The following LGR6 variants were observed in gnomAD, a reference collection of about 807,000 sequenced individuals.
LGR6 encodes leucine-rich repeat-containing G protein-coupled receptor 6.
LGR6 carries 45 observed loss-of-function variants against 69.4 expected under a neutral mutation model. The ratio of observed to expected loss-of-function variants is 0.65; its 90% confidence interval spans 0.51 to 0.83. The LOEUF is 0.83. LGR6 is among the 40% of genes least tolerant of loss of function. LGR6 has a pLI of 0.00. For missense variants in LGR6, 1,108 were observed against 1,246.7 expected, an observed-to-expected ratio of 0.89 and a Z score of 1.68; for synonymous variants, 538 against 555.0, an observed-to-expected ratio of 0.97 and a Z score of 0.43.
intron 1 of LGR6, among the ~76,000 whole-genome samples, chr1:202,204,756 C>T (rs1571806956): frequency 1.3e-4 from 3 of 23,288 alleles, no homozygotes; most frequent in Admixed American, 4.4e-4. Flanking sequence ...CAAACACACA[C>T]ACACACCCCT....
At chr1:202,222,565 G>A (rs1660237497) in intron 1 of LGR6, among the ~76,000 whole-genome samples, 1 of 152,180 alleles carries the variant, frequency 6.6e-6, no homozygotes, top group African/African-American at 2.4e-5. Flanking sequence ...AATGCACAGG[G>A]TAAATATTTA....
intron 4 of LGR6, among the ~76,000 whole-genome samples, chr1:202,275,878 G>A (rs747794190): frequency 1.3e-5 from 2 of 152,162 alleles, no homozygotes; most frequent in Non-Finnish European, 2.9e-5. Context: ...TTGGAAGCCC[G>A]GGAGTATGGA....
Position 202,319,030 on chromosome 1 carries a change from C to G in LGR6, c.2727C>G (p.Ala909=). 1 of 1,614,122 alleles carries G rather than the reference C, an allele frequency of 6.2e-7. No individual in the cohort carries two copies. The highest frequency in any genetic ancestry group is 2.2e-5 in the East Asian group (1 of 44,860). ...TCATCTCCTGTCAGCAGCCAGGGGC[C>G]CCCAGGCTGGAGGGCAGCCATTGTG... ...VTLISCQQPG[A]PRLEGSHCVE... is the part of the protein sequence containing the mutation. The change falls in exon 18 of 18, where the codon GCC becomes GCG. Residue 909 remains alanine (A), a synonymous_variant. Coordinates refer to ENST00000367278, the MANE Select transcript of LGR6 (RefSeq NM_001017403.2).
intron 4 of LGR6, among the ~76,000 whole-genome samples, chr1:202,264,923 G>A (rs979377419): frequency 2.0e-5 from 3 of 152,116 alleles, no homozygotes; most frequent in African/African-American, 7.2e-5. Context: ...GGAGAGTTGA[G>A]GCATTAGCAT....
At chr1:202,244,108 C>T (rs1374839063) in intron 4 of LGR6, among the ~76,000 whole-genome samples, 1 of 152,086 alleles carries the variant, frequency 6.6e-6, no homozygotes, top group African/African-American at 2.4e-5. Context: ...TAGGTGCGTT[C>T]CACCATGCCC....
chr1:202,318,185 C>A lies in LGR6; in HGVS notation c.1882C>A (p.Gln628Lys), dbSNP rs753040636. 2.5e-6 allele frequency: 4 copies of A among 1,613,520 alleles called. No individual in the cohort carries two copies. Among genetic ancestry groups the A allele is most frequent in the South Asian group, 1.1e-5 (1 of 91,050 alleles). Residue 628 changes from glutamine (Q) to lysine (K), a missense_variant, in exon 18 of 18, where the codon CAG becomes AAG. Physicochemically the swap from Gln to Lys is moderately conservative, Grantham distance 53. Coordinates refer to ENST00000367278, the MANE Select transcript of LGR6 (RefSeq NM_001017403.2). ...CTCAGTCGATGCCCTGACCTTTGGT[C>A]AGTTCTCTGAGTACGGAGCCCGCTG... ...LASVDALTFG[Q>K]FSEYGARWET...
At chr1:202,207,902 G>A (rs1376935660) in intron 1 of LGR6, among the ~76,000 whole-genome samples, 2 of 152,216 alleles carry the variant, frequency 1.3e-5, no homozygotes, top group Non-Finnish European at 2.9e-5. Context: ...AGGCACAGCT[G>A]TGCTAGGTGC....
chr1:202,198,880 GC>G (rs1658738821), intron 1 of LGR6, among the ~76,000 whole-genome samples: 1 of 152,006 alleles, frequency 6.6e-6, no homozygotes, highest in African/African-American at 2.4e-5. Flanking sequence ...GGGTGGGGGT[GC>G]CAACGTGCCA....
At chr1:202,220,980 G>A (rs774352326) in intron 1 of LGR6, among the ~76,000 whole-genome samples, 3 of 152,200 alleles carry the variant, frequency 2.0e-5, no homozygotes, top group Admixed American at 2.0e-4. Flanking sequence ...AGATCATCAA[G>A]TCATATGCCT....
intron 4 of LGR6, among the ~76,000 whole-genome samples, chr1:202,265,775 A>G (rs1047734576): frequency 9.2e-5 from 14 of 152,180 alleles, no homozygotes; most frequent in Admixed American, 6.5e-5. Flanking sequence ...CATCTGAACA[A>G]TGCTGAAAGT....
At chr1:202,316,157 C>A (rs1654124494) in intron 17 of LGR6, among the ~76,000 whole-genome samples, 1 of 152,164 alleles carries the variant, frequency 6.6e-6, no homozygotes, top group Non-Finnish European at 1.5e-5. Context: ...GTTGCTATAA[C>A]AGAATACCTA....
chr1:202,265,134 T>A (rs552763517), intron 4 of LGR6, among the ~76,000 whole-genome samples: 2 of 152,152 alleles, frequency 1.3e-5, no homozygotes, highest in South Asian at 4.2e-4. Context: ...TCTCCTCAAT[T>A]GTAAGTGGGT....
At chr1:202,270,304 G>A (rs540464052) in intron 4 of LGR6, among the ~76,000 whole-genome samples, 8 of 151,814 alleles carry the variant, frequency 5.3e-5, no homozygotes, top group South Asian at 4.2e-4. Context: ...GTGCAATGGC[G>A]CGATCTCGGC....
Position 202,257,534 on chromosome 1 carries a change from CACA to C in LGR6, c.429-18768_429-18766del, listed in dbSNP as rs372276245. Among the ~76,000 whole-genome samples, 294 of 152,246 alleles carry C rather than the reference CACA, an allele frequency of 1.9e-3. 1 individual carries two copies. The highest frequency in any genetic ancestry group is 4.8e-3 in the South Asian group (23 of 4,824). ...GCATGTAGATATCCACATGTTCCAG[CACA>C]ACATTTTTGTCATCCCAAATGCTAT... On this transcript the variant is annotated intron_variant, in intron 4 of 17. Transcript: ENST00000367278.
chr1:202,269,103 G>A (rs1202324677), intron 4 of LGR6, among the ~76,000 whole-genome samples: 1 of 152,050 alleles, frequency 6.6e-6, no homozygotes, highest in Non-Finnish European at 1.5e-5. Context: ...AGGGTGTCTT[G>A]CTATTTTGTC....
Position 202,314,831 on chromosome 1 carries a change from G to C in LGR6, c.1597G>C (p.Glu533Gln), listed in dbSNP as rs769935943. 2 of 1,614,040 alleles carry C rather than the reference G, an allele frequency of 1.2e-6. No homozygotes were observed. Among genetic ancestry groups the C allele is most frequent in the Admixed American group, 3.3e-5 (2 of 60,032 alleles). Residue 533 changes from glutamate to glutamine, a missense_variant, in exon 17 of 18, where the codon GAG becomes CAG. Transcript: ENST00000367278. ...YDQDLDELQL[E>Q]MEDSKPHPSV... ...CCAGGACCTGGATGAGCTCCAGCTGGAGATGGAGGACTCAAAGCCACACCC... is the reference window on the plus strand; with the variant it reads ...CCAGGACCTGGATGAGCTCCAGCTGCAGATGGAGGACTCAAAGCCACACCC...
intron 1 of LGR6, among the ~76,000 whole-genome samples, chr1:202,200,722 A>G (rs1658807757): frequency 6.6e-6 from 1 of 152,212 alleles, no homozygotes; most frequent in African/African-American, 2.4e-5. Context: ...ATGACAATTC[A>G]GGTCTCTCCT....
intron 6 of LGR6, among the ~76,000 whole-genome samples, chr1:202,289,409 T>C (rs536756275): frequency 6.6e-6 from 1 of 152,308 alleles, no homozygotes; most frequent in Non-Finnish European, 1.5e-5. Flanking sequence ...AATTCTAGGT[T>C]TCTGTGGTTC....
intron 3 of LGR6, among the ~76,000 whole-genome samples, chr1:202,232,101 CAA>C (rs34791544): frequency 0.43 from 61,877 of 143,438 alleles, 12,981 homozygotes; most frequent in African/African-American, 0.47. Flanking sequence ...AACGCCGTCT[CAA>C]AAAAAAAAAA....
Sources: gnomAD v4.1 joint callset for allele counts (sites outside exome capture counted in the v4.1 genomes callset) on GRCh38, gnomAD v4.1.1 for gene constraint, MANE v1.5 for transcripts, NCBI Gene and HGNC (gene_info 2026-07-23, HGNC 2026-07-21) for gene names.